The following NMRK1 variants were observed in gnomAD, a reference collection of about 807,000 sequenced individuals.
The protein encoded by NMRK1 is NRK 1.
NMRK1 carries 28 observed loss-of-function variants against 29.9 expected under a neutral mutation model. That is an observed-to-expected ratio of 0.94 (90% CI 0.69 to 1.28). The LOEUF (loss-of-function observed/expected upper bound fraction) is 1.28. NMRK1 is among the 50% of genes most tolerant of loss of function. The probability of loss-of-function intolerance (pLI) is 0.00; values close to 1 mark genes in which losing one functional copy is unlikely to be tolerated. For synonymous variants in NMRK1, 58 were observed against 73.0 expected (o/e 0.79, Z 1.05); for missense variants, 218 against 233.1 (o/e 0.94, Z 0.42).
At position 75,069,766 on chromosome 9, in the gene NMRK1, T is replaced by C. The variant is rs1587369565; in HGVS notation, c.365A>G (p.Tyr122Cys). ...WNRSYFLTIP[Y>C]EECKRRRSTR... ...CCTCCTCCTCCTTTTACATTCTTCA[T>C]ATGGAATAGTCAGGAAATAGCTTCT... Residue 122 changes from tyrosine to cysteine, a missense_variant, in exon 6 of 9, where the codon TAT (tyrosine) becomes TGT (cysteine). Physicochemically the swap from Tyr to Cys is radical, Grantham distance 194. Coordinates refer to ENST00000361092, the MANE Select transcript of NMRK1 (RefSeq NM_017881.3). 1 of 1,612,282 alleles carries C rather than the reference T, an allele frequency of 6.2e-7. No individual in the cohort carries two copies. The highest frequency in any genetic ancestry group is 8.5e-7 in the Non-Finnish European group (1 of 1,179,072).
chr9:75,076,153 T>G (rs904744301), intron 4 of NMRK1, among the ~76,000 whole-genome samples: 20 of 152,198 alleles, frequency 1.3e-4, no homozygotes, highest in African/African-American at 4.8e-4. Context: ...TATTCACAAA[T>G]AGCCAGAATA....
At position 75,069,922 on chromosome 9, in the gene NMRK1, A is replaced by G. The variant is rs764454308; in HGVS notation, c.290T>C (p.Ile97Thr). 2 of 1,613,962 alleles carry G rather than the reference A, an allele frequency of 1.2e-6. No homozygotes were observed. Among genetic ancestry groups the G allele is most frequent in the East Asian group, 4.5e-5 (2 of 44,874 alleles). The change falls in exon 5 of 9, where the codon ATC (isoleucine) becomes ACC (threonine). Residue 97 changes from isoleucine (I) to threonine (T), a missense_variant. Ile to Thr is a moderately conservative substitution (Grantham distance 89, BLOSUM62 -1). Transcript: ENST00000361092. The part of the protein sequence containing the change: ...ESAEEIPILI[I>T]EGFLLFNYKP... Reference sequence around the variant, plus strand: ...ATAATTAAAAAGAAGAAAACCTTCGATGATTAAAATGGGAATTTCCTCAGC... The same window carrying G: ...ATAATTAAAAAGAAGAAAACCTTCGGTGATTAAAATGGGAATTTCCTCAGC...
At chr9:75,069,143 A>T in intron 6 of NMRK1, 41 bp from the exon 7 acceptor site, 3 of 1,340,830 alleles carry the variant, frequency 2.2e-6, no homozygotes, top group Non-Finnish European at 3.2e-6. Flanking sequence ...ACAGAAACAC[A>T]CAATTGATAA....
rs755507318 is a variant in NMRK1, at chr9:75,077,194, A to G, written c.134T>C (p.Ile45Thr). 5.1e-5 allele frequency: 81 copies of G among 1,596,436 alleles called. No individual in the cohort carries two copies. The highest frequency in any genetic ancestry group is 5.6e-5 in the Non-Finnish European group (65 of 1,166,976). ...CAAAAATCCATTTTTATCTGTCTCT[A>G]TCTCAGACTCTGGCTGGAAAAATAA... ...QDDFFKPESE[I>T]ETDKNGFLQY... The change falls in exon 4 of 9, where the codon ATA becomes ACA. Residue 45 changes from isoleucine (I) to threonine (T), a missense_variant. Transcript: ENST00000361092.
intron 4 of NMRK1, among the ~76,000 whole-genome samples, chr9:75,070,329 C>A (rs1823628302): frequency 6.6e-6 from 1 of 152,154 alleles, no homozygotes. Flanking sequence ...CATGGCTAAC[C>A]TTGCTTTACT....
At chr9:75,087,764 C>A (rs1824758870) in intron 1 of NMRK1, 1 of 152,258 alleles carries the variant, frequency 6.6e-6, no homozygotes, top group African/African-American at 2.4e-5. Context: ...CTCCAGGCTG[C>A]GCGGTCTCTT....
At chr9:75,078,496 T>C in intron 2 of NMRK1, 1 of 1,406,462 alleles carries the variant, frequency 7.1e-7, no homozygotes, top group Non-Finnish European at 9.3e-7. Flanking sequence ...TAGATCTAGT[T>C]TTGCAGCATC....
intron 8 of NMRK1, among the ~76,000 whole-genome samples, chr9:75,065,078 C>A (rs1426541077): frequency 6.6e-6 from 1 of 152,242 alleles, no homozygotes; most frequent in African/African-American, 2.4e-5. Context: ...TGGCTCACTG[C>A]AGCCTTGACT....
At chr9:75,082,278 A>G (rs978637696) in intron 2 of NMRK1, among the ~76,000 whole-genome samples, 10 of 152,328 alleles carry the variant, frequency 6.6e-5, no homozygotes, top group Non-Finnish European at 1.5e-4. Context: ...CTGCAGAGAA[A>G]AACTGAACTT....
In NMRK1 at chr9:75,061,480, T is replaced by G. The variant is rs1282500054; in HGVS notation, c.*68A>C. ...TACCACAGTATACATTGTATCTTGG[T>G]GAAGGTTCTTAAATTACTCCTTGGA... is the stretch of plus-strand genomic sequence containing the variant. On this transcript the variant is annotated 3_prime_UTR_variant, in exon 9 of 9. Coordinates refer to ENST00000361092, the MANE Select transcript of NMRK1 (RefSeq NM_017881.3). 3 of 1,189,858 alleles carry G rather than the reference T, an allele frequency of 2.5e-6. No homozygotes were observed. In the East Asian group the frequency reaches 7.0e-5, roughly 28 times the overall value. The allele number at this position is 1,189,858 out of a possible 1,614,324, so 73.7% of individuals were successfully genotyped here. A position where few individuals can be genotyped will look rare whatever the true frequency, so the allele number is the denominator to read the frequency against.
chr9:75,077,639 C>A, intron 2 of NMRK1, 59 bp from the exon 3 acceptor site: 1 of 907,132 alleles, frequency 1.1e-6, no homozygotes. Context: ...TCATTAAACA[C>A]TTTTTTTTTT....
intron 2 of NMRK1, among the ~76,000 whole-genome samples, chr9:75,079,710 C>A (rs12115839): frequency 6.6e-6 from 1 of 151,222 alleles, no homozygotes; most frequent in Non-Finnish European, 1.5e-5. Flanking sequence ...CAAAACATGG[C>A]GGAAAGGAAT....
In NMRK1 at chr9:75,078,355, C is replaced by T. The variant is rs943936811; in HGVS notation, c.30-775G>A. ...AAATCACATTTCCTCTGCGATGCCTCCTTTTCCCCATCTCTCTCCACCTGG... is the reference window on the plus strand; with the variant it reads ...AAATCACATTTCCTCTGCGATGCCTTCTTTTCCCCATCTCTCTCCACCTGG... On this transcript the variant is annotated intron_variant, in intron 2 of 8. Transcript: ENST00000361092. 4 of 1,573,186 alleles carry T rather than the reference C, an allele frequency of 2.5e-6. No individual in the cohort carries two copies. The Admixed American group carries it at 7.3e-5, about 29-fold the overall frequency.
At chr9:75,083,741 T>C (rs926179599) in intron 1 of NMRK1, among the ~76,000 whole-genome samples, 3 of 152,182 alleles carry the variant, frequency 2.0e-5, no homozygotes, top group African/African-American at 7.2e-5. Flanking sequence ...CCTGGCTAGG[T>C]ACATTTTTTT....
At chr9:75,082,918 T>C (rs1824400269) in intron 2 of NMRK1, 169 bp downstream of exon 2, 3 of 597,860 alleles carry the variant, frequency 5.0e-6, no homozygotes, top group South Asian at 4.2e-5. Context: ...CTCTTCCATC[T>C]CTTGTTGGCA....
At chr9:75,078,972 A>G (rs1824167233) in intron 2 of NMRK1, among the ~76,000 whole-genome samples, 1 of 152,206 alleles carries the variant, frequency 6.6e-6, no homozygotes, top group Non-Finnish European at 1.5e-5. Context: ...ACTTAAAACT[A>G]TTACTCTGAG....
chr9:75,063,917 G>A (rs896675890), intron 8 of NMRK1, among the ~76,000 whole-genome samples: 6 of 152,138 alleles, frequency 3.9e-5, no homozygotes, highest in African/African-American at 1.4e-4. Context: ...ATAAATGTTG[G>A]AGGTAAGAAA....
intron 2 of NMRK1, among the ~76,000 whole-genome samples, chr9:75,079,358 T>G (rs1253843125): frequency 6.6e-6 from 1 of 152,162 alleles, no homozygotes; most frequent in South Asian, 2.1e-4. Context: ...CAAATGTCCA[T>G]AGTTTAGGTA....
intron 4 of NMRK1, among the ~76,000 whole-genome samples, chr9:75,073,781 G>A (rs1243140090): frequency 1.3e-5 from 2 of 152,118 alleles, no homozygotes; most frequent in Non-Finnish European, 2.9e-5. Flanking sequence ...CACACCGATT[G>A]TGGATTTGTG....
Sources: allele counts gnomAD v4.1 joint callset (sites outside exome capture counted in the v4.1 genomes callset), GRCh38; gene constraint gnomAD v4.1.1; transcripts MANE v1.5; gene names NCBI Gene and HGNC (gene_info 2026-07-23, HGNC 2026-07-21).